ADCY9: variants seen among roughly 807,000 people sequenced by gnomAD.
ADCY9 encodes adenylate cyclase 9.
In ADCY9, 50 loss-of-function variants were observed where a neutral mutation model predicts 101.5. That is an observed-to-expected ratio of 0.49 (90% CI 0.39 to 0.62). The LOEUF (loss-of-function observed/expected upper bound fraction) is 0.62. Ranked by LOEUF, ADCY9 falls within the 20% of genes least tolerant of loss-of-function variation. The pLI, the probability that ADCY9 is intolerant of heterozygous loss-of-function variation, is 0.00. For synonymous variants in ADCY9, 905 were observed against 769.3 expected (o/e 1.18, Z -2.92); for missense variants, 1,662 against 1,800.4 (o/e 0.92, Z 1.39).
At chr16:4,040,691 A>C (rs934107341) in intron 2 of ADCY9, among the ~76,000 whole-genome samples, 1 of 152,174 alleles carries the variant, frequency 6.6e-6, no homozygotes, top group African/African-American at 2.4e-5. Context: ...TCCTGACCTC[A>C]GGTGATCCAC....
At chr16:4,019,076 A>G (rs926294623) in intron 2 of ADCY9, among the ~76,000 whole-genome samples, 1 of 151,848 alleles carries the variant, frequency 6.6e-6, no homozygotes, top group South Asian at 2.1e-4. Flanking sequence ...CCTGGGCTCA[A>G]GTGATCCTCC....
chr16:4,021,558 C>G (rs539273318), intron 2 of ADCY9, among the ~76,000 whole-genome samples: 2 of 152,350 alleles, frequency 1.3e-5, no homozygotes, highest in East Asian at 3.9e-4. Context: ...CGTCCCAACT[C>G]AGAGCTAGGA....
chr16:3,979,522 T>C (rs1415708546), intron 7 of ADCY9, among the ~76,000 whole-genome samples: 2 of 152,200 alleles, frequency 1.3e-5, no homozygotes, highest in Admixed American at 6.5e-5. Context: ...AATATGCTTG[T>C]GAAAAGCACA....
chr16:4,089,878 C>A (rs1473918507), intron 2 of ADCY9, among the ~76,000 whole-genome samples: 1 of 152,046 alleles, frequency 6.6e-6, no homozygotes, highest in Non-Finnish European at 1.5e-5. Context: ...CAGTCCTCTC[C>A]CTGGTGGGAT....
intron 2 of ADCY9, among the ~76,000 whole-genome samples, chr16:4,100,237 G>T (rs1043401904): frequency 1.3e-5 from 2 of 152,066 alleles, no homozygotes; most frequent in Non-Finnish European, 2.9e-5. Context: ...CTTCTGCCAT[G>T]ATTGTAAGTT....
intron 3 of ADCY9, among the ~76,000 whole-genome samples, chr16:4,001,836 G>A (rs941438761): frequency 2.0e-5 from 3 of 150,530 alleles, no homozygotes; most frequent in East Asian, 2.0e-4. Context: ...TGCAACCTCC[G>A]CCTCCAGGTT....
chr16:4,046,767 G>C (rs530589140), intron 2 of ADCY9, among the ~76,000 whole-genome samples: 2 of 152,250 alleles, frequency 1.3e-5, no homozygotes, highest in East Asian at 3.9e-4. Context: ...AAATGAAAGA[G>C]CTTCGCTAGA....
chr16:4,018,873 A>G (rs998233618), intron 2 of ADCY9, among the ~76,000 whole-genome samples: 8 of 151,704 alleles, frequency 5.3e-5, no homozygotes, highest in African/African-American at 1.9e-4. Context: ...ATTTCACTTC[A>G]GCAGCACTGG....
downstream of ADCY9, among the ~76,000 whole-genome samples, chr16:3,961,492 T>G (rs1246301102): frequency 1.3e-5 from 2 of 150,048 alleles, no homozygotes; most frequent in Non-Finnish European, 3.0e-5. Flanking sequence ...TACAAGACCC[T>G]CAAGGCAGCA....
chr16:4,068,590 G>A lies in ADCY9; in HGVS notation c.1693+45160C>T, dbSNP rs189989677. Among the ~76,000 whole-genome samples, 54 of 152,048 alleles carry A rather than the reference G, an allele frequency of 3.6e-4. 2 individuals are homozygous for A. The highest frequency in any genetic ancestry group is 2.5e-3 in the South Asian group (12 of 4,810). ...GGCACTTTGGGAGGCCTAGATGAGC[G>A]GATCATGAGGTCAGGAGATCGAGAC... On this transcript the variant is annotated intron_variant, in intron 2 of 10. Transcript: ENST00000294016.
downstream of ADCY9, among the ~76,000 whole-genome samples, chr16:3,962,479 T>C (rs62036942): frequency 0.15 from 22,164 of 151,916 alleles, 2,074 homozygotes; most frequent in East Asian, 0.3. Flanking sequence ...AAAAATAACA[T>C]AAACACAAAC....
chr16:4,102,055 G>A (rs1020942456), intron 2 of ADCY9, among the ~76,000 whole-genome samples: 24 of 152,250 alleles, frequency 1.6e-4, no homozygotes, highest in African/African-American at 5.1e-4. Context: ...GGTACTGAAC[G>A]ACACAAGATG....
intron 3 of ADCY9, among the ~76,000 whole-genome samples, chr16:3,995,129 T>A (rs2056276761): frequency 6.6e-6 from 1 of 152,164 alleles, no homozygotes; most frequent in Non-Finnish European, 1.5e-5. Context: ...AGTGAAGATA[T>A]GTTGCTAAGA....
At chr16:3,956,464 A>T (rs1567408332) in intron 5 of ADCY9, among the ~76,000 whole-genome samples, 1 of 142,090 alleles carries the variant, frequency 7.0e-6, no homozygotes, top group Non-Finnish European at 1.5e-5. Flanking sequence ...AACAGCAGGA[A>T]GGACAAGACA....
chr16:4,053,434 C>T (rs578253802), intron 2 of ADCY9, among the ~76,000 whole-genome samples: 3 of 152,088 alleles, frequency 2.0e-5, no homozygotes, highest in Admixed American at 6.5e-5. Context: ...GAGCTCTCGA[C>T]GGAAACAGCA....
intron 2 of ADCY9, among the ~76,000 whole-genome samples, chr16:4,065,721 A>ACCGGGC (rs2056797183): frequency 6.6e-6 from 1 of 152,092 alleles, no homozygotes; most frequent in South Asian, 2.1e-4. Flanking sequence ...GGCATGAGCC[A>ACCGGGC]CCACACCTGG....
At chr16:4,072,663 T>C (rs908486564) in intron 2 of ADCY9, among the ~76,000 whole-genome samples, 2 of 152,070 alleles carry the variant, frequency 1.3e-5, no homozygotes, top group African/African-American at 2.4e-5. Context: ...AAGGAAATAT[T>C]TGAAGAGATA....
intron 3 of ADCY9, among the ~76,000 whole-genome samples, chr16:4,006,083 C>T (rs2056365300): frequency 1.3e-5 from 2 of 152,216 alleles, no homozygotes; most frequent in Non-Finnish European, 2.9e-5. Context: ...GAGGGTCCAA[C>T]ACCACTGTCC....
intron 2 of ADCY9, among the ~76,000 whole-genome samples, chr16:4,069,846 A>G (rs1597206748): frequency 6.6e-6 from 1 of 152,312 alleles, no homozygotes; most frequent in African/African-American, 2.4e-5. Context: ...TTGTAATCCC[A>G]GCACTTTGGG....
Sources: allele counts gnomAD v4.1 joint callset (sites outside exome capture counted in the v4.1 genomes callset), GRCh38; gene constraint gnomAD v4.1.1; transcripts MANE v1.5; gene names NCBI Gene and HGNC (gene_info 2026-07-23, HGNC 2026-07-21).